CFDP1: variants seen among roughly 807,000 people sequenced by gnomAD.
The protein encoded by CFDP1 is heterochromatin-stabilizing protein CFDP1.
Under a neutral mutation model 40.1 loss-of-function variants are expected in CFDP1, and 31 were observed. That is an observed-to-expected ratio of 0.77 (90% confidence interval 0.58 to 1.04). The LOEUF (loss-of-function observed/expected upper bound fraction) is 1.04, where lower values mean the gene tolerates loss of function less well. Ranked by LOEUF, CFDP1 falls within the 50% of genes least tolerant of loss-of-function variation. CFDP1 has a pLI of 0.00. For synonymous variants in CFDP1, 167 were observed against 120.0 expected (o/e 1.39, Z -2.56); for missense variants, 423 against 343.4 (o/e 1.23, Z -1.83).
chr16:75,415,318 G>A (rs1370392873), intron 1 of CFDP1, among the ~76,000 whole-genome samples: 2 of 152,116 alleles, frequency 1.3e-5, no homozygotes, highest in Non-Finnish European at 2.9e-5. Flanking sequence ...AACCAACCCT[G>A]CCCACACAGA....
At chr16:75,413,514 C>T (rs558844477) in intron 2 of CFDP1, among the ~76,000 whole-genome samples, 1 of 146,396 alleles carries the variant, frequency 6.8e-6, no homozygotes, top group South Asian at 2.1e-4. Flanking sequence ...GATCACGCCA[C>T]TGCACTCCAG....
chr16:75,387,420 C>T (rs984574567), intron 5 of CFDP1, among the ~76,000 whole-genome samples: 22 of 152,154 alleles, frequency 1.4e-4, no homozygotes, highest in East Asian at 3.8e-4. Flanking sequence ...GGATTACAGG[C>T]GTGAGCCACT....
Position 75,412,615 on chromosome 16 carries a change from T to C in CFDP1, c.322A>G (p.Lys108Glu). ...KGIGSEDARK[K>E]KEDELWASFL... ...CTGGCCCAGAGTTCGTCCTCCTTCT[T>C]TTTCCTGGCATCCTCTGATCCAATG... Residue 108 changes from lysine to glutamate, a missense_variant, in exon 3 of 7, where the codon AAG becomes GAG. Transcript: ENST00000283882. 2 of 1,614,128 alleles carry C rather than the reference T, an allele frequency of 1.2e-6. No homozygotes were observed. Among genetic ancestry groups the C allele is most frequent in the South Asian group, 1.1e-5 (1 of 91,078 alleles).
chr16:75,392,909 A>G (rs957556293), intron 5 of CFDP1, among the ~76,000 whole-genome samples: 4 of 152,166 alleles, frequency 2.6e-5, no homozygotes, highest in Admixed American at 6.5e-5. Context: ...CTCTTCCTCC[A>G]TAGGTTTCTG....
chr16:75,360,307 A>G (rs1298797008), intron 5 of CFDP1, among the ~76,000 whole-genome samples: 2 of 152,194 alleles, frequency 1.3e-5, no homozygotes, highest in Admixed American at 6.5e-5. Flanking sequence ...ATTTTCTAGC[A>G]CTGCCAGAAA....
chr16:75,344,700 C>A (rs149251569), intron 5 of CFDP1, among the ~76,000 whole-genome samples: 3,351 of 151,952 alleles, frequency 0.022, 70 homozygotes, highest in African/African-American at 0.054. Flanking sequence ...TTAGGAGGCC[C>A]AGATGGGTGG....
chr16:75,359,587 C>A (rs566472049), intron 5 of CFDP1, among the ~76,000 whole-genome samples: 1 of 152,256 alleles, frequency 6.6e-6, no homozygotes, highest in East Asian at 1.9e-4. Context: ...ATCACTAAAC[C>A]AATCTTTCCT....
intron 5 of CFDP1, among the ~76,000 whole-genome samples, chr16:75,359,731 A>T (rs1231873143): frequency 6.6e-6 from 1 of 152,164 alleles, no homozygotes; most frequent in Non-Finnish European, 1.5e-5. Flanking sequence ...ATTTGGAGAC[A>T]TATCAGGTTT....
intron 3 of CFDP1, among the ~76,000 whole-genome samples, chr16:75,412,287 G>A (rs1597394969): frequency 6.6e-6 from 1 of 152,300 alleles, no homozygotes; most frequent in South Asian, 2.1e-4. Flanking sequence ...CCAAAGTGCA[G>A]GGATTGTTGG....
At chr16:75,388,453 G>C (rs2078919010) in intron 5 of CFDP1, among the ~76,000 whole-genome samples, 1 of 152,170 alleles carries the variant, frequency 6.6e-6, no homozygotes, top group African/African-American at 2.4e-5. Flanking sequence ...AGTGGGAAAA[G>C]CAGTTGCCTA....
intron 5 of CFDP1, among the ~76,000 whole-genome samples, chr16:75,344,163 T>C (rs929788414): frequency 6.6e-6 from 1 of 152,220 alleles, no homozygotes; most frequent in African/African-American, 2.4e-5. Context: ...TTGGCAGTAG[T>C]GCATAAATTC....
At chr16:75,332,086 T>C (rs952401512) in intron 5 of CFDP1, among the ~76,000 whole-genome samples, 3 of 152,232 alleles carry the variant, frequency 2.0e-5, no homozygotes, top group Non-Finnish European at 4.4e-5. Context: ...ACACTTTTCA[T>C]GCGCTTCTAT....
intron 2 of CFDP1, among the ~76,000 whole-genome samples, chr16:75,413,169 AG>A (rs2079177124): frequency 6.6e-6 from 1 of 152,210 alleles, no homozygotes. Context: ...TATTTAGAAG[AG>A]CCTCAACTTT....
rs556724131 is a variant in CFDP1 at position 75,356,550 on chromosome 16, GC to G, written c.650+38539del. Among the ~76,000 whole-genome samples the G allele has an allele frequency of 2.2e-4, 33 of 152,068 alleles. 1 individual carries two copies. Among genetic ancestry groups the G allele is most frequent in the Non-Finnish European group, 4.4e-5 (3 of 68,012 alleles). Reference sequence around the variant, plus strand: ...ACAGAGTAGATTATAATTCTTAAGGGCCCTAGGATTTTTAGAATGGCAAATG... The same window carrying G: ...ACAGAGTAGATTATAATTCTTAAGGGCCTAGGATTTTTAGAATGGCAAATG... On this transcript the variant is annotated intron_variant, in intron 5 of 6. Coordinates refer to ENST00000283882, the MANE Select transcript of CFDP1 (RefSeq NM_006324.3).
chr16:75,328,663 A>C (rs1001175489), intron 5 of CFDP1, among the ~76,000 whole-genome samples: 1 of 151,132 alleles, frequency 6.6e-6, no homozygotes, highest in African/African-American at 2.4e-5. Context: ...TAAATAAAGA[A>C]ATAGCAGTAT....
chr16:75,366,607 AGAGT>A (rs2078715769), intron 5 of CFDP1, among the ~76,000 whole-genome samples: 2 of 152,262 alleles, frequency 1.3e-5, no homozygotes, highest in East Asian at 1.9e-4. Context: ...TGGAGTGGAT[AGAGT>A]GAGTGCGACT....
intron 1 of CFDP1, among the ~76,000 whole-genome samples, chr16:75,424,646 C>T (rs1394765177): frequency 2.0e-5 from 3 of 150,768 alleles, no homozygotes; most frequent in East Asian, 1.9e-4. Flanking sequence ...CCCAACTACT[C>T]GGGAGGCTGA....
At chr16:75,332,168 C>A (rs949050943) in intron 5 of CFDP1, among the ~76,000 whole-genome samples, 1 of 152,052 alleles carries the variant, frequency 6.6e-6, no homozygotes. Context: ...CCACCCTCTA[C>A]GAAAAATAAA....
intron 5 of CFDP1, among the ~76,000 whole-genome samples, chr16:75,387,330 C>T (rs1040090510): frequency 7.2e-5 from 11 of 151,950 alleles, no homozygotes; most frequent in Admixed American, 3.3e-4. Context: ...TTAGTGGAGA[C>T]GGGGGTTTCA....
Sources: allele counts gnomAD v4.1 joint callset (sites outside exome capture counted in the v4.1 genomes callset), GRCh38; gene constraint gnomAD v4.1.1; transcripts MANE v1.5; gene names NCBI Gene and HGNC (gene_info 2026-07-23, HGNC 2026-07-21).